Variants in PRSS35 observed in about 807,000 individuals in gnomAD.
PRSS35 encodes the protein serine protease 35, also known as inactive serine protease 35.
PRSS35 carries 7 observed loss-of-function variants against 8.1 expected under a neutral mutation model. The ratio of observed to expected loss-of-function variants is 0.86; its 90% CI spans 0.49 to 1.62. The LOEUF (loss-of-function observed/expected upper bound fraction) is 1.62. Ranked by LOEUF, PRSS35 falls within the 40% of genes most tolerant of loss-of-function variation. The pLI, the probability that PRSS35 is intolerant of heterozygous loss-of-function variation, is 0.00. For missense variants in PRSS35, 566 were observed against 518.0 expected, an observed-to-expected ratio of 1.09 and a Z score of -0.90; for synonymous variants, 199 against 188.7, an observed-to-expected ratio of 1.05 and a Z score of -0.45.
chr6:83,525,082 T>C lies in PRSS35; in HGVS notation c.*399T>C, dbSNP rs1213042219. The C allele has an allele frequency of 5.4e-6, 1 of 184,004 alleles. No individual in the cohort carries two copies. The highest frequency in any genetic ancestry group is 1.3e-5 in the Non-Finnish European group (1 of 78,710). 11.4% of individuals were successfully genotyped at this position (184,004 alleles called of 1,614,324 possible). On this transcript the variant is annotated 3_prime_UTR_variant, in exon 2 of 2. Transcript: ENST00000369700. ...GTTGTGTATTAAATGTGAAATTGCA[T>C]AGATAAAGGTAGATGGTAAAGCAAT...
intron 1 of PRSS35, among the ~76,000 whole-genome samples, chr6:83,514,810 G>A (rs1771683079): frequency 1.3e-5 from 2 of 152,188 alleles, no homozygotes. Context: ...TTGTCTGACT[G>A]TAGACAGCAT....
chr6:83,518,837 T>G (rs1274724165), intron 1 of PRSS35, among the ~76,000 whole-genome samples: 4 of 151,880 alleles, frequency 2.6e-5, no homozygotes, highest in Admixed American at 6.6e-5. Flanking sequence ...TTTGCGTGTA[T>G]CATCTCATTT....
intron 1 of PRSS35, among the ~76,000 whole-genome samples, chr6:83,516,554 C>A (rs1484740767): frequency 7.9e-6 from 1 of 126,180 alleles, no homozygotes; most frequent in African/African-American, 3.1e-5. Flanking sequence ...CTAGCCTGGG[C>A]GACTGAGAGA....
intron 1 of PRSS35, among the ~76,000 whole-genome samples, chr6:83,513,097 A>T (rs1771655820): frequency 6.6e-6 from 1 of 152,306 alleles, no homozygotes; most frequent in Middle Eastern, 3.4e-3. Flanking sequence ...TGCGGAGGTC[A>T]GCAAAAGGAG....
At chr6:83,518,944 A>G (rs1334550713) in intron 1 of PRSS35, among the ~76,000 whole-genome samples, 2 of 152,054 alleles carry the variant, frequency 1.3e-5, no homozygotes, top group Non-Finnish European at 2.9e-5. Flanking sequence ...TGAACTGCCC[A>G]CATGCACATG....
chr6:83,517,624 A>G (rs1192200528), intron 1 of PRSS35, among the ~76,000 whole-genome samples: 1 of 152,226 alleles, frequency 6.6e-6, no homozygotes, highest in Non-Finnish European at 1.5e-5. Flanking sequence ...TCATCTGGCC[A>G]GGCCCCAGTG....
intron 1 of PRSS35, among the ~76,000 whole-genome samples, chr6:83,514,233 T>C (rs1019036289): frequency 1.3e-5 from 2 of 152,216 alleles, no homozygotes; most frequent in South Asian, 2.1e-4. Flanking sequence ...TCTAGAGCTA[T>C]ATGCTGTGCA....
At chr6:83,523,315 C>A in intron 1 of PRSS35, 107 bp from the exon 2 acceptor site, 1 of 801,854 alleles carries the variant, frequency 1.2e-6, no homozygotes, top group Non-Finnish European at 2.0e-6. Context: ...AAAATAAGGA[C>A]ACCTCTTTGT....
chr6:83,515,526 C>T (rs971915024), intron 1 of PRSS35, among the ~76,000 whole-genome samples: 6 of 151,920 alleles, frequency 3.9e-5, no homozygotes, highest in Admixed American at 1.3e-4. Flanking sequence ...GACAGGGTTG[C>T]CCTGTCTCAT....
At position 83,524,417 on chromosome 6, in the gene PRSS35, A is replaced by G. The variant is rs771810048; in HGVS notation, c.976A>G (p.Ser326Gly). ...RADQLVYRFC[S>G]VSDESNDLLY... is the part of the protein sequence containing the mutation. Reference sequence around the variant, plus strand: ...TGATCAGTTGGTCTATCGGTTTTGCAGTGTGTCCGACGAATCCAATGATCT... The same window carrying G: ...TGATCAGTTGGTCTATCGGTTTTGCGGTGTGTCCGACGAATCCAATGATCT... The change falls in exon 2 of 2, where the codon AGT becomes GGT. Residue 326 changes from serine to glycine, a missense_variant. Ser to Gly is a moderately conservative substitution (Grantham distance 56). Transcript: ENST00000369700. 6.2e-7 allele frequency: 1 copy of G among 1,614,054 alleles called. No homozygotes were observed. Among genetic ancestry groups the G allele is most frequent in the African/African-American group, 1.3e-5 (1 of 74,916 alleles).
chr6:83,514,366 A>G (rs190389684), intron 1 of PRSS35, among the ~76,000 whole-genome samples: 1 of 152,320 alleles, frequency 6.6e-6, no homozygotes, highest in Admixed American at 6.5e-5. Flanking sequence ...ATAGCCCCCA[A>G]ACAAAGGGAG....
chr6:83,512,843 C>T (rs1771645202), intron 1 of PRSS35, 149 bp downstream of exon 1: 1 of 152,166 alleles, frequency 6.6e-6, no homozygotes, highest in African/African-American at 2.4e-5. Flanking sequence ...AGAAACTAAC[C>T]ACCCTTCCCA....
intron 1 of PRSS35, among the ~76,000 whole-genome samples, chr6:83,516,849 A>G (rs1171112): frequency 0.74 from 113,048 of 151,946 alleles, 42,250 homozygotes; most frequent in East Asian, 0.88. Flanking sequence ...ATGAGCCCCT[A>G]TGATTGCATT....
Position 83,524,438 on chromosome 6 carries a change from G to A in PRSS35, c.997G>A (p.Asp333Asn). ...TTGCAGTGTGTCCGACGAATCCAAT[G>A]ATCTCCTTTACCAATACTGCGATGC... ...RFCSVSDESN[D>N]LLYQYCDAES... Residue 333 changes from aspartate (D) to asparagine (N), a missense_variant, in exon 2 of 2, where the codon GAT (aspartate) becomes AAT (asparagine). Coordinates refer to ENST00000369700, the MANE Select transcript of PRSS35 (RefSeq NM_153362.3). 1 of 1,614,152 alleles carries A rather than the reference G, an allele frequency of 6.2e-7. No individual in the cohort carries two copies. The highest frequency in any genetic ancestry group is 8.5e-7 in the Non-Finnish European group (1 of 1,180,026).
Position 83,523,973 on chromosome 6 carries a change from G to A in PRSS35, c.532G>A (p.Val178Ile). 1 of 1,614,164 alleles carries A rather than the reference G, an allele frequency of 6.2e-7. No individual in the cohort carries two copies. ...AHCVHDGKDY[V>I]KGSKKLRVGL... ...CTGTGTTCATGATGGAAAGGACTAT[G>A]TCAAAGGGAGTAAAAAGCTAAGGGT... The change falls in exon 2 of 2, where the codon GTC becomes ATC. Residue 178 changes from valine (V) to isoleucine (I), a missense_variant. Val to Ile is a conservative substitution (Grantham distance 29). Coordinates refer to ENST00000369700, the MANE Select transcript of PRSS35 (RefSeq NM_153362.3).
At chr6:83,516,613 T>C (rs992983244) in intron 1 of PRSS35, among the ~76,000 whole-genome samples, 2 of 150,804 alleles carry the variant, frequency 1.3e-5, no homozygotes, top group African/African-American at 4.9e-5. Flanking sequence ...GAAGTTGTAT[T>C]GTGATCTTCT....
chr6:83,522,630 AT>A (rs1771843471), intron 1 of PRSS35, among the ~76,000 whole-genome samples: 1 of 152,160 alleles, frequency 6.6e-6, no homozygotes. Flanking sequence ...ACCATAAGGC[AT>A]TTTGTATGGA....
intron 1 of PRSS35, among the ~76,000 whole-genome samples, chr6:83,516,468 G>C (rs531251264): frequency 8.6e-5 from 13 of 151,524 alleles, no homozygotes; most frequent in Admixed American, 1.3e-4. Context: ...CCCAGCTACT[G>C]GGGAGGCTGA....
rs1243536858 is a variant in PRSS35, at chr6:83,524,405, T to C, written c.964T>C (p.Tyr322His). 6.2e-7 allele frequency: 1 copy of C among 1,614,076 alleles called. No individual in the cohort carries two copies. Among genetic ancestry groups the C allele is most frequent in the Non-Finnish European group, 8.5e-7 (1 of 1,180,044 alleles). ...TAACGATAGGGCTGATCAGTTGGTC[T>C]ATCGGTTTTGCAGTGTGTCCGACGA... ...FDNDRADQLV[Y>H]RFCSVSDESN... The change falls in exon 2 of 2, where the codon TAT becomes CAT. Residue 322 changes from tyrosine to histidine, a missense_variant. Physicochemically the swap from Tyr to His is moderately conservative, Grantham distance 83 (BLOSUM62 2). Coordinates refer to ENST00000369700, the MANE Select transcript of PRSS35 (RefSeq NM_153362.3).
Sources: gnomAD v4.1 joint callset for allele counts (sites outside exome capture counted in the v4.1 genomes callset) on GRCh38, gnomAD v4.1.1 for gene constraint, MANE v1.5 for transcripts, NCBI Gene and HGNC (gene_info 2026-07-23, HGNC 2026-07-21) for gene names.